Variants in TEX36 observed in about 807,000 individuals in gnomAD.
The protein encoded by TEX36 is testis-expressed protein 36.
In TEX36, 12 loss-of-function variants were observed where a neutral mutation model predicts 13.6. The observed-to-expected ratio is 0.88, with a 90% CI of 0.56 to 1.43. The LOEUF is 1.43. Ranked by LOEUF, TEX36 falls within the 40% of genes most tolerant of loss-of-function variation. The probability of loss-of-function intolerance (pLI) is 0.00; values close to 1 mark genes in which losing one functional copy is unlikely to be tolerated. For synonymous variants in TEX36, 93 were observed against 83.0 expected, an observed-to-expected ratio of 1.12 and a Z score of -0.65; for missense variants, 224 against 228.3, an observed-to-expected ratio of 0.98 and a Z score of 0.12.
At chr10:125,593,388 GTAGACC>G (rs1354039482) in intron 3 of TEX36, among the ~76,000 whole-genome samples, 7 of 152,256 alleles carry the variant, frequency 4.6e-5, no homozygotes, top group African/African-American at 1.7e-4. Flanking sequence ...AATGGAATTT[GTAGACC>G]TAGACTTCTC....
In TEX36 at chr10:125,586,959, T is replaced by G. The variant is rs554027449; in HGVS notation, c.265-10085A>C. On this transcript the variant is annotated intron_variant, in intron 3 of 3. Transcript: ENST00000532135. The stretch of plus-strand genomic sequence containing the variant: ...TAGCACCATCCCCCTAGTGCTGTTT[T>G]GTGATAGAGTCCTCTTAAGATCCAG... Among the ~76,000 whole-genome samples, 11 of 152,224 alleles carry G rather than the reference T, an allele frequency of 7.2e-5. No individual in the cohort carries two copies. In the East Asian group the frequency reaches 2.1e-3, roughly 29 times the overall value.
Position 125,608,573 on chromosome 10 carries a change from C to T in TEX36, c.265-31699G>A, listed in dbSNP as rs190056764. ...GAGGGCTAGAGGGACCAGGAACTCCCTACATGTCTAGTGTCTGGGCTACGG... is the reference window on the plus strand; with the variant it reads ...GAGGGCTAGAGGGACCAGGAACTCCTTACATGTCTAGTGTCTGGGCTACGG... On this transcript the variant is annotated intron_variant, in intron 3 of 3. Transcript: ENST00000532135. Among the ~76,000 whole-genome samples, 146 of 152,232 alleles carry T rather than the reference C, an allele frequency of 9.6e-4. 1 individual carries two copies. Among genetic ancestry groups the T allele is most frequent in the Non-Finnish European group, 1.6e-3 (110 of 68,002 alleles).
At chr10:125,665,932 A>C (rs1847113485) in intron 1 of TEX36, among the ~76,000 whole-genome samples, 1 of 152,034 alleles carries the variant, frequency 6.6e-6, no homozygotes, top group Non-Finnish European at 1.5e-5. Flanking sequence ...GGTTAAATTT[A>C]TTCTTATATA....
chr10:125,624,655 A>G (rs1846465378), intron 3 of TEX36, among the ~76,000 whole-genome samples: 1 of 149,816 alleles, frequency 6.7e-6, no homozygotes, highest in Non-Finnish European at 1.5e-5. Context: ...ATGACCAAAT[A>G]CTCATGAGAT....
At chr10:125,582,711 T>G (rs1845898101) in intron 3 of TEX36, among the ~76,000 whole-genome samples, 1 of 152,220 alleles carries the variant, frequency 6.6e-6, no homozygotes, top group Admixed American at 6.5e-5. Flanking sequence ...GATTAAGAGC[T>G]CAAAGTCTTC....
chr10:125,645,905 T>G (rs1846761544), intron 3 of TEX36, among the ~76,000 whole-genome samples: 1 of 152,180 alleles, frequency 6.6e-6, no homozygotes, highest in African/African-American at 2.4e-5. Context: ...ATTTTAAAAT[T>G]TTCAGTAAGC....
downstream of TEX36, among the ~76,000 whole-genome samples, chr10:125,652,153 C>A (rs1290111337): frequency 6.6e-6 from 1 of 152,156 alleles, no homozygotes; most frequent in African/African-American, 2.4e-5. Flanking sequence ...CTTTAAAGTT[C>A]ATATGGAACC....
Position 125,655,837 on chromosome 10 carries a change from T to G in TEX36, c.*63A>C. 1 of 1,401,526 alleles carries G rather than the reference T, an allele frequency of 7.1e-7. No individual in the cohort carries two copies. 86.8% of individuals were successfully genotyped at this position (1,401,526 alleles called of 1,614,324 possible). A position where few individuals can be genotyped will look rare whatever the true frequency, so the allele number is the denominator to read the frequency against. Reference sequence around the variant, plus strand: ...TAGTGGTGCTGGATCAGAAAACATATACTTTTAGGATGTCTGATGAAATAC... The same window carrying G: ...TAGTGGTGCTGGATCAGAAAACATAGACTTTTAGGATGTCTGATGAAATAC... On this transcript the variant is annotated 3_prime_UTR_variant, in exon 4 of 4. Transcript: ENST00000368821.
chr10:125,681,863 C>T (rs1388266022), intron 1 of TEX36, among the ~76,000 whole-genome samples: 2 of 152,194 alleles, frequency 1.3e-5, no homozygotes, highest in African/African-American at 4.8e-5. Flanking sequence ...GTACATTATG[C>T]TCCCATTTTA....
chr10:125,603,542 G>A (rs959966936), intron 3 of TEX36, among the ~76,000 whole-genome samples: 1 of 152,180 alleles, frequency 6.6e-6, no homozygotes, highest in Non-Finnish European at 1.5e-5. Flanking sequence ...TCACAGATAA[G>A]GCTGTGCCAT....
intron 3 of TEX36, among the ~76,000 whole-genome samples, chr10:125,644,574 A>C (rs903809352): frequency 2.7e-4 from 41 of 152,310 alleles, no homozygotes; most frequent in African/African-American, 9.9e-4. Context: ...CACACGTAAA[A>C]CTGTGAAATC....
intron 3 of TEX36, among the ~76,000 whole-genome samples, chr10:125,591,492 A>AGTG (rs1210131090): frequency 3.9e-5 from 6 of 152,176 alleles, no homozygotes; most frequent in Non-Finnish European, 8.8e-5. Context: ...AGCTGGCAGG[A>AGTG]TCCACACACT....
chr10:125,629,966 A>C lies in TEX36; in HGVS notation c.265-8321T>G, dbSNP rs572503370. Among the ~76,000 whole-genome samples the C allele has an allele frequency of 2.0e-5, 3 of 152,282 alleles. No homozygotes were observed. In the East Asian group the frequency reaches 5.8e-4, roughly 29 times the overall value. On this transcript the variant is annotated intron_variant, in intron 3 of 3. Transcript: ENST00000526819. ...GTATGTACACCTGCCCTCTTGTGGT[A>C]TGCATCTGTATGATCACATACTATG...
chr10:125,579,507 G>A (rs539876782), intron 3 of TEX36, among the ~76,000 whole-genome samples: 21 of 152,268 alleles, frequency 1.4e-4, no homozygotes, highest in Non-Finnish European at 2.2e-4. Flanking sequence ...GATTTTGGGT[G>A]GGGACACAGT....
intron 3 of TEX36, among the ~76,000 whole-genome samples, chr10:125,643,287 C>T (rs1846716168): frequency 6.6e-6 from 1 of 152,180 alleles, no homozygotes; most frequent in Non-Finnish European, 1.5e-5. Context: ...CTCATGCAGA[C>T]AGCGTGAGAA....
chr10:125,662,015 C>T, intron 1 of TEX36, 38 bp from the exon 2 acceptor site: 1 of 1,551,864 alleles, frequency 6.4e-7, no homozygotes. Context: ...AAACCAGACA[C>T]ATTTGAATCT....
intron 3 of TEX36, among the ~76,000 whole-genome samples, chr10:125,607,542 A>C (rs1157267678): frequency 6.6e-6 from 1 of 152,194 alleles, no homozygotes; most frequent in African/African-American, 2.4e-5. Context: ...CCAAGAGAAC[A>C]TGGGGATTCA....
chr10:125,583,960 C>T (rs951560553), intron 3 of TEX36, among the ~76,000 whole-genome samples: 1 of 152,172 alleles, frequency 6.6e-6, no homozygotes, highest in African/African-American at 2.4e-5. Context: ...ATCTGTCAGG[C>T]CTGTGACTTG....
At chr10:125,614,057 C>T (rs916529247) in intron 3 of TEX36, among the ~76,000 whole-genome samples, 1 of 152,112 alleles carries the variant, frequency 6.6e-6, no homozygotes, top group East Asian at 1.9e-4. Flanking sequence ...TTTCACGTGT[C>T]TTTTGGCTGC....
Sources: allele counts gnomAD v4.1 joint callset (sites outside exome capture counted in the v4.1 genomes callset), GRCh38; gene constraint gnomAD v4.1.1; transcripts MANE v1.5; gene names NCBI Gene and HGNC (gene_info 2026-07-23, HGNC 2026-07-21).